The following KCNIP1 variants were observed in gnomAD, a reference collection of about 807,000 sequenced individuals.
KCNIP1 encodes A-type potassium channel modulatory protein KCNIP1.
A neutral mutation model predicts 33.0 loss-of-function variants in KCNIP1; 18 were observed. The ratio of observed to expected loss-of-function variants is 0.55; its 90% CI spans 0.38 to 0.81. The LOEUF (loss-of-function observed/expected upper bound fraction) is 0.81, where lower values mean the gene tolerates loss of function less well. Ranked by LOEUF, KCNIP1 falls within the 30% of genes least tolerant of loss-of-function variation. The probability of loss-of-function intolerance (pLI) is 0.00; values close to 1 mark genes in which losing one functional copy is unlikely to be tolerated. For synonymous variants in KCNIP1, 93 were observed against 98.3 expected (o/e 0.95, Z 0.32); for missense variants, 238 against 271.6 (o/e 0.88, Z 0.87).
At chr5:170,456,307 C>T (rs190529903) in intron 1 of KCNIP1, among the ~76,000 whole-genome samples, 136 of 151,852 alleles carry the variant, frequency 9.0e-4, no homozygotes, top group South Asian at 5.9e-3. Flanking sequence ...CGGGGCCTGT[C>T]GGAGGGTGGG....
At chr5:170,453,489 A>G (rs1285212064) in intron 1 of KCNIP1, among the ~76,000 whole-genome samples, 2 of 152,236 alleles carry the variant, frequency 1.3e-5, no homozygotes, top group African/African-American at 4.8e-5. Flanking sequence ...ATCTGAAAGT[A>G]ACTTTGGGGC....
chr5:170,590,583 T>G (rs938514210), intron 1 of KCNIP1, among the ~76,000 whole-genome samples: 2 of 151,960 alleles, frequency 1.3e-5, no homozygotes, highest in African/African-American at 2.4e-5. Flanking sequence ...GAGGTTCCAG[T>G]CTCACGCTAG....
In KCNIP1 at chr5:170,508,680, C is replaced by T. The variant is rs115792339; in HGVS notation, c.61+4047C>T. Among the ~76,000 whole-genome samples, 937 of 152,242 alleles carry T rather than the reference C, an allele frequency of 6.2e-3. 10 individuals are homozygous for T. The highest frequency in any genetic ancestry group is 0.022 in the African/African-American group (897 of 41,536). The stretch of plus-strand genomic sequence containing the variant: ...ACCCATCTTTGCATCTTTGCCTGTC[C>T]CTTTAATTCTATAATGCTCTCCCAC... On this transcript the variant is annotated intron_variant, in intron 1 of 7. Transcript: ENST00000328939.
intron 1 of KCNIP1, among the ~76,000 whole-genome samples, chr5:170,615,621 G>A (rs544084898): frequency 6.6e-6 from 1 of 152,156 alleles, no homozygotes; most frequent in African/African-American, 2.4e-5. Flanking sequence ...AAAGGGCAAG[G>A]AAGACTCCCT....
At chr5:170,622,562 C>T (rs531509635) in intron 1 of KCNIP1, among the ~76,000 whole-genome samples, 1 of 147,114 alleles carries the variant, frequency 6.8e-6, no homozygotes, top group Admixed American at 7.0e-5. Context: ...GCAGAGGTTG[C>T]AGTGAGCCGA....
chr5:170,362,556 G>C (rs186313090), intron 1 of KCNIP1, among the ~76,000 whole-genome samples: 7 of 152,236 alleles, frequency 4.6e-5, no homozygotes, highest in Non-Finnish European at 1.0e-4. Context: ...CAAAACATAT[G>C]GGGAGCAGGC....
At chr5:170,641,269 G>A (rs1002108775) in intron 1 of KCNIP1, among the ~76,000 whole-genome samples, 20 of 152,152 alleles carry the variant, frequency 1.3e-4, no homozygotes, top group African/African-American at 4.6e-4. Flanking sequence ...ATTTCTCCCA[G>A]GCTATTGACT....
intron 1 of KCNIP1, among the ~76,000 whole-genome samples, chr5:170,491,437 G>A (rs1034781343): frequency 2.4e-4 from 37 of 151,660 alleles, no homozygotes; most frequent in Admixed American, 1.0e-3. Context: ...TACTCTCCCC[G>A]CCCACATCTC....
chr5:170,599,328 G>A (rs1485904592), intron 1 of KCNIP1, among the ~76,000 whole-genome samples: 1 of 152,134 alleles, frequency 6.6e-6, no homozygotes, highest in Non-Finnish European at 1.5e-5. Flanking sequence ...TTGGTCTGGG[G>A]CCTCTCATCC....
At chr5:170,640,649 C>T (rs1299289114) in intron 1 of KCNIP1, among the ~76,000 whole-genome samples, 1 of 152,244 alleles carries the variant, frequency 6.6e-6, no homozygotes, top group African/African-American at 2.4e-5. Flanking sequence ...CAGGAGGGAA[C>T]ATAAGGAGGG....
chr5:170,367,353 GAAAGAAA>G (rs1561586711), intron 1 of KCNIP1, among the ~76,000 whole-genome samples: 20 of 40,980 alleles, frequency 4.9e-4, no homozygotes, highest in East Asian at 1.4e-3. Flanking sequence ...GAAAGAAAAA[GAAAGAAA>G]GAAAGAAAGA....
intron 1 of KCNIP1, among the ~76,000 whole-genome samples, chr5:170,584,203 C>T (rs1275098464): frequency 6.6e-6 from 1 of 152,348 alleles, no homozygotes; most frequent in East Asian, 1.9e-4. Context: ...CTGCCATGGG[C>T]ACTGGACCTG....
At chr5:170,564,230 G>A (rs1024252027) in intron 1 of KCNIP1, among the ~76,000 whole-genome samples, 4 of 152,116 alleles carry the variant, frequency 2.6e-5, no homozygotes, top group African/African-American at 9.7e-5. Flanking sequence ...CACAGCAGCA[G>A]ATGCTAATAA....
intron 1 of KCNIP1, among the ~76,000 whole-genome samples, chr5:170,589,743 G>GTGA (rs879335722): frequency 0.089 from 11,400 of 127,594 alleles, 559 homozygotes; most frequent in South Asian, 0.12. Context: ...GTGTGGTGTG[G>GTGA]TGTGGTGTGG....
At chr5:170,363,357 C>A (rs1239255819) in intron 1 of KCNIP1, among the ~76,000 whole-genome samples, 1 of 152,132 alleles carries the variant, frequency 6.6e-6, no homozygotes, top group Non-Finnish European at 1.5e-5. Flanking sequence ...GATGATAGGG[C>A]CTTGATGCAG....
At chr5:170,691,323 G>A (rs906311907) in intron 1 of KCNIP1, among the ~76,000 whole-genome samples, 5 of 152,218 alleles carry the variant, frequency 3.3e-5, no homozygotes, top group Non-Finnish European at 7.3e-5. Flanking sequence ...AGATCACTGA[G>A]CCTCTGGTAT....
chr5:170,581,752 T>C (rs1327555718), intron 1 of KCNIP1, among the ~76,000 whole-genome samples: 1 of 152,214 alleles, frequency 6.6e-6, no homozygotes, highest in Non-Finnish European at 1.5e-5. Context: ...CTATGTCTGT[T>C]TGTGTTCCTA....
At chr5:170,421,554 G>A (rs1042635843) in intron 1 of KCNIP1, among the ~76,000 whole-genome samples, 4 of 152,110 alleles carry the variant, frequency 2.6e-5, no homozygotes, top group African/African-American at 9.7e-5. Context: ...CACTGATGGC[G>A]TCTTCTTGCT....
intron 1 of KCNIP1, among the ~76,000 whole-genome samples, chr5:170,432,464 A>G (rs1284484354): frequency 6.6e-6 from 1 of 152,216 alleles, no homozygotes; most frequent in Non-Finnish European, 1.5e-5. Context: ...CACAATAAGA[A>G]TGCTAGCTCA....
Sources: gnomAD v4.1 joint callset for allele counts (sites outside exome capture counted in the v4.1 genomes callset) on GRCh38, gnomAD v4.1.1 for gene constraint, MANE v1.5 for transcripts, NCBI Gene and HGNC (gene_info 2026-07-23, HGNC 2026-07-21) for gene names.